Variants in KL observed in about 807,000 individuals in gnomAD.
KL encodes the protein klotho.
KL carries 62 observed loss-of-function variants against 84.2 expected under a neutral mutation model. The ratio of observed to expected loss-of-function variants is 0.74; its 90% confidence interval spans 0.60 to 0.91. KL has a LOEUF of 0.91. Ranked by LOEUF, KL falls within the 40% of genes least tolerant of loss-of-function variation. The pLI is 0.00. For synonymous variants in KL, 528 were observed against 528.0 expected (o/e 1.00, Z 0.00); for missense variants, 1,261 against 1,305.7 (o/e 0.97, Z 0.53).
In KL at chr13:33,055,218, T is replaced by C. The variant is rs762709016; in HGVS notation, c.1502T>C (p.Ile501Thr). 6 of 1,614,082 alleles carry C rather than the reference T, an allele frequency of 3.7e-6. No individual in the cohort carries two copies. The highest frequency in any genetic ancestry group is 4.5e-5 in the East Asian group (2 of 44,898). ...TCAGCCTTGTTCTACCAAAAGCTGA[T>C]AGAGAAAAATGGCTTCCCTCCTTTA... ...KSSALFYQKL[I>T]EKNGFPPLPE... Residue 501 changes from isoleucine to threonine, a missense_variant, in exon 3 of 5, where the codon ATA (isoleucine) becomes ACA (threonine). Ile to Thr is a moderately conservative substitution (Grantham distance 89, BLOSUM62 -1). Coordinates refer to ENST00000380099, the MANE Select transcript of KL (RefSeq NM_004795.4).
chr13:33,018,420 A>T (rs1238351533), intron 1 of KL, among the ~76,000 whole-genome samples: 1 of 152,244 alleles, frequency 6.6e-6, no homozygotes, highest in Non-Finnish European at 1.5e-5. Context: ...GAGGTGACTT[A>T]GTGCTCTGAG....
intron 2 of KL, 121 bp from the exon 3 acceptor site, chr13:33,054,926 T>C: frequency 2.3e-6 from 3 of 1,284,402 alleles, no homozygotes; most frequent in African/African-American, 1.5e-5. Flanking sequence ...AATCATTGGC[T>C]TACCAAACGA....
intron 2 of KL, 144 bp downstream of exon 2, chr13:33,054,421 T>A: frequency 2.5e-6 from 2 of 811,978 alleles, no homozygotes; most frequent in Non-Finnish European, 3.9e-6. Flanking sequence ...TGCATTCATT[T>A]AACACCTTTC....
At chr13:33,018,052 T>C (rs1482527124) in intron 1 of KL, among the ~76,000 whole-genome samples, 1 of 152,244 alleles carries the variant, frequency 6.6e-6, no homozygotes, top group African/African-American at 2.4e-5. Flanking sequence ...GCAGGAAATA[T>C]TGCTATGCCA....
At chr13:33,030,565 AG>A (rs1456578147) in intron 1 of KL, among the ~76,000 whole-genome samples, 8 of 152,156 alleles carry the variant, frequency 5.3e-5, no homozygotes, top group African/African-American at 1.9e-4. Flanking sequence ...CCACACTTGG[AG>A]ATGATGAATT....
At chr13:33,027,282 G>T (rs1443943277) in intron 1 of KL, among the ~76,000 whole-genome samples, 4 of 152,150 alleles carry the variant, frequency 2.6e-5, no homozygotes, top group Non-Finnish European at 5.9e-5. Flanking sequence ...CTCCTGAGGG[G>T]TGCACCTGTT....
chr13:33,030,524 C>T (rs1257050776), intron 1 of KL, among the ~76,000 whole-genome samples: 1 of 152,142 alleles, frequency 6.6e-6, no homozygotes, highest in African/African-American at 2.4e-5. Flanking sequence ...ATGGCTGTTG[C>T]ATGATCATAA....
chr13:33,017,745 C>T (rs565170557), intron 1 of KL, among the ~76,000 whole-genome samples: 1 of 152,330 alleles, frequency 6.6e-6, no homozygotes, highest in East Asian at 1.9e-4. Flanking sequence ...GTGAAAGTGT[C>T]AAAACACAAC....
intron 1 of KL, among the ~76,000 whole-genome samples, chr13:33,042,279 T>A (rs1356628727): frequency 6.6e-6 from 1 of 152,170 alleles, no homozygotes; most frequent in East Asian, 1.9e-4. Context: ...ATTTGATGAA[T>A]TTTGATGACT....
In KL at chr13:33,063,906, G is replaced by A. The variant is rs755022970; in HGVS notation, c.2759G>A (p.Arg920His). The change falls in exon 5 of 5, where the codon CGC (arginine) becomes CAC (histidine). Residue 920 changes from arginine (R) to histidine (H), a missense_variant. Transcript: ENST00000380099. ...CGYFAYSFND[R>H]TAPRFGLYRY... is the part of the protein sequence containing the mutation. ...TACTTTGCTTATTCGTTTAACGACC[G>A]CACAGCTCCGAGGTTTGGCCTCTAT... is the stretch of plus-strand genomic sequence containing the variant. 15 of 1,613,984 alleles carry A rather than the reference G, an allele frequency of 9.3e-6. No individual in the cohort carries two copies. Among genetic ancestry groups the A allele is most frequent in the Middle Eastern group, 1.6e-4 (1 of 6,084 alleles).
intron 3 of KL, among the ~76,000 whole-genome samples, chr13:33,057,675 A>G (rs1483001650): frequency 6.6e-6 from 1 of 152,152 alleles, no homozygotes; most frequent in African/African-American, 2.4e-5. Context: ...ACAGCAGATG[A>G]GAGCTTCTCT....
At chr13:33,055,400 G>T (rs1183202850) in intron 3 of KL, 85 bp downstream of exon 3, 2 of 1,572,094 alleles carry the variant, frequency 1.3e-6, no homozygotes, top group Non-Finnish European at 1.7e-6. Context: ...TGATTGTCAT[G>T]GCACATTGTC....
intron 1 of KL, among the ~76,000 whole-genome samples, chr13:33,023,645 CA>C (rs1870651625): frequency 6.6e-6 from 1 of 151,974 alleles, no homozygotes; most frequent in Non-Finnish European, 1.5e-5. Flanking sequence ...TTGACTAAAC[CA>C]AAGATAAATA....
At chr13:33,019,558 C>T (rs939526238) in intron 1 of KL, among the ~76,000 whole-genome samples, 3 of 151,926 alleles carry the variant, frequency 2.0e-5, no homozygotes, top group Non-Finnish European at 2.9e-5. Context: ...GGAAGCTTGA[C>T]CCCTCCTAGA....
intron 3 of KL, among the ~76,000 whole-genome samples, chr13:33,060,034 A>G (rs967081078): frequency 1.3e-5 from 2 of 152,124 alleles, no homozygotes; most frequent in Admixed American, 6.5e-5. Context: ...TGTGATCATG[A>G]CTTACTGCAG....
chr13:33,016,423 G>A lies in KL; in HGVS notation c.-18G>A. 3.2e-6 allele frequency: 3 copies of A among 936,452 alleles called. No homozygotes were observed. Among genetic ancestry groups the A allele is most frequent in the Non-Finnish European group, 3.8e-6 (3 of 789,518 alleles). 58.0% of individuals were successfully genotyped at this position (936,452 alleles called of 1,614,324 possible). A position where few individuals can be genotyped will look rare whatever the true frequency, so the allele number is the denominator to read the frequency against. ...AAGGGGCGCGGCGCGGGGCCCCGGA[G>A]CCTGGCTCCCGCGCAGCATGCCCGC... is the stretch of plus-strand genomic sequence containing the variant. On this transcript the variant is annotated 5_prime_UTR_variant, in exon 1 of 5. Coordinates refer to ENST00000380099, the MANE Select transcript of KL (RefSeq NM_004795.4).
chr13:33,054,218 A>C lies in KL; in HGVS notation c.1271A>C (p.Lys424Thr), dbSNP rs535143281. Reference protein sequence around the residue: ...ENGWFVSGTTKRDDAKYMYYL... With the variant: ...ENGWFVSGTTTRDDAKYMYYL... Reference sequence around the variant, plus strand: ...GGCTGGTTTGTCTCAGGGACCACCAAGAGAGATGATGCCAAATATATGTAT... The same window carrying C: ...GGCTGGTTTGTCTCAGGGACCACCACGAGAGATGATGCCAAATATATGTAT... The change falls in exon 2 of 5, where the codon AAG (lysine) becomes ACG (threonine). Residue 424 changes from lysine to threonine, a missense_variant. Transcript: ENST00000380099. 1 of 1,613,842 alleles carries C rather than the reference A, an allele frequency of 6.2e-7. No individual in the cohort carries two copies. Among genetic ancestry groups the C allele is most frequent in the African/African-American group, 1.3e-5 (1 of 75,018 alleles).
intron 1 of KL, 21 bp from the exon 2 acceptor site, chr13:33,053,746 C>T (rs200179401): frequency 6.2e-6 from 10 of 1,612,384 alleles, no homozygotes; most frequent in Non-Finnish European, 8.5e-6. Flanking sequence ...GATAAATTTG[C>T]CATGGTTTTT....
intron 1 of KL, among the ~76,000 whole-genome samples, chr13:33,037,424 G>A (rs1330177469): frequency 6.6e-6 from 1 of 152,104 alleles, no homozygotes; most frequent in Non-Finnish European, 1.5e-5. Context: ...GTCTAGCTGT[G>A]TACTATGCAT....
Sources: allele counts gnomAD v4.1 joint callset (sites outside exome capture counted in the v4.1 genomes callset), GRCh38; gene constraint gnomAD v4.1.1; transcripts MANE v1.5; gene names NCBI Gene and HGNC (gene_info 2026-07-23, HGNC 2026-07-21).